CDH8: variants seen among roughly 807,000 people sequenced by gnomAD.
The protein encoded by CDH8 is cadherin-8.
In CDH8, 17 loss-of-function variants were observed where a neutral mutation model predicts 68.1. The ratio of observed to expected loss-of-function variants is 0.25; its 90% confidence interval spans 0.17 to 0.37. The LOEUF is 0.37. CDH8 is among the 10% of genes least tolerant of loss of function. The probability of loss-of-function intolerance (pLI) is 1.00; values close to 1 mark genes in which losing one functional copy is unlikely to be tolerated. For synonymous variants in CDH8, 372 were observed against 365.1 expected, an observed-to-expected ratio of 1.02 and a Z score of -0.21; for missense variants, 763 against 999.3, an observed-to-expected ratio of 0.76 and a Z score of 3.19.
At chr16:61,838,316 A>G (rs1962611124) in intron 4 of CDH8, among the ~76,000 whole-genome samples, 1 of 152,106 alleles carries the variant, frequency 6.6e-6, no homozygotes, top group Admixed American at 6.6e-5. Flanking sequence ...GGAGATACAT[A>G]TTCTAGGAAA....
chr16:61,705,770 G>A lies in CDH8; in HGVS notation c.1654+8071C>T, dbSNP rs1964517440. On this transcript the variant is annotated intron_variant, in intron 10 of 11. Transcript: ENST00000577390. ...AGGAAACTTTGTTTGTGAAAGTATA[G>A]AAGTTAGACTATGTGATAATTCCCA... 1.3e-5 allele frequency among the ~76,000 whole-genome samples: 2 copies of A among 152,308 alleles called. 1 individual carries two copies. The highest frequency in any genetic ancestry group is 4.1e-4 in the South Asian group (2 of 4,830).
intron 3 of CDH8, among the ~76,000 whole-genome samples, chr16:61,890,746 A>C (rs1963761039): frequency 6.6e-6 from 1 of 152,108 alleles, no homozygotes; most frequent in Non-Finnish European, 1.5e-5. Context: ...TTTTCATCAC[A>C]TTTTCTTGTG....
intron 3 of CDH8, among the ~76,000 whole-genome samples, chr16:61,863,460 T>A (rs1449794046): frequency 6.6e-6 from 1 of 152,158 alleles, no homozygotes; most frequent in East Asian, 1.9e-4. Flanking sequence ...GTTTGGGTAG[T>A]GCAGCTGTGT....
At chr16:61,954,275 T>C (rs909970591) in intron 2 of CDH8, among the ~76,000 whole-genome samples, 18 of 152,098 alleles carry the variant, frequency 1.2e-4, no homozygotes, top group Non-Finnish European at 1.8e-4. Context: ...TCTTTCCCAG[T>C]TACTTGGTTC....
chr16:61,857,106 T>G lies in CDH8; in HGVS notation c.667+13A>C. ...AAACATGGCAAATATAATTCGAAAT[T>G]TAGGCCACAAACCTGTTTCAGGCTC... is the stretch of plus-strand genomic sequence containing the variant. On this transcript the variant is annotated intron_variant, in intron 4 of 11. Coordinates refer to ENST00000577390, the MANE Select transcript of CDH8 (RefSeq NM_001796.5). The G allele has an allele frequency of 1.2e-6, 2 of 1,613,072 alleles. No individual in the cohort carries two copies. The highest frequency in any genetic ancestry group is 1.7e-6 in the Non-Finnish European group (2 of 1,179,336).
At chr16:61,659,143 G>C (rs957168063) in intron 10 of CDH8, among the ~76,000 whole-genome samples, 25 of 152,282 alleles carry the variant, frequency 1.6e-4, no homozygotes, top group African/African-American at 5.8e-4. Flanking sequence ...CAGCATGATA[G>C]AAAAGGAGCT....
chr16:61,921,754 C>T lies in CDH8; in HGVS notation c.253-20281G>A, dbSNP rs368663547. On this transcript the variant is annotated intron_variant, in intron 2 of 11. Coordinates refer to ENST00000577390, the MANE Select transcript of CDH8 (RefSeq NM_001796.5). Reference sequence around the variant, plus strand: ...CTTTGGATTTTGAGGTCATGGGGGCCAGCTGCATGGCTCACGCCTTTAATT... The same window carrying T: ...CTTTGGATTTTGAGGTCATGGGGGCTAGCTGCATGGCTCACGCCTTTAATT... Among the ~76,000 whole-genome samples the T allele has an allele frequency of 9.9e-5, 15 of 152,276 alleles. No individual in the cohort carries two copies. The South Asian group carries it at 3.1e-3, about 32-fold the overall frequency.
At chr16:62,034,911 G>T (rs1359035200) in intron 1 of CDH8, among the ~76,000 whole-genome samples, 1 of 152,170 alleles carries the variant, frequency 6.6e-6, no homozygotes, top group Non-Finnish European at 1.5e-5. Flanking sequence ...AGCAACCCAA[G>T]CAAACAGCTG....
intron 2 of CDH8, among the ~76,000 whole-genome samples, chr16:62,012,406 C>A (rs1041583163): frequency 1.3e-5 from 2 of 152,098 alleles, no homozygotes; most frequent in African/African-American, 4.8e-5. Context: ...TCTCTCTTCA[C>A]GGTTTCATAA....
chr16:61,792,696 T>C (rs1961407454), intron 7 of CDH8, among the ~76,000 whole-genome samples: 1 of 152,028 alleles, frequency 6.6e-6, no homozygotes. Context: ...GTGAAGTTCA[T>C]GCATAAACCA....
rs562892666 is a variant in CDH8 at position 62,002,969 on chromosome 16, C to T, written c.252+18183G>A. 3.4e-3 allele frequency among the ~76,000 whole-genome samples: 519 copies of T among 152,128 alleles called. 4 individuals carry two copies. The highest frequency in any genetic ancestry group is 0.012 in the African/African-American group (492 of 41,520). The stretch of plus-strand genomic sequence containing the variant: ...TCGGGAAGCTGAGGCGGGAGAATGG[C>T]GTGAACCGGAAGGCGGAACTTGCAG... On this transcript the variant is annotated intron_variant, in intron 2 of 11. Coordinates refer to ENST00000577390, the MANE Select transcript of CDH8 (RefSeq NM_001796.5).
chr16:62,011,874 A>T (rs1597125158), intron 2 of CDH8, among the ~76,000 whole-genome samples: 2 of 152,334 alleles, frequency 1.3e-5, no homozygotes, highest in East Asian at 3.9e-4. Flanking sequence ...TTAGAGAGCC[A>T]GTGCTGATGA....
chr16:61,993,920 T>C (rs1282691655), intron 2 of CDH8, among the ~76,000 whole-genome samples: 2 of 152,200 alleles, frequency 1.3e-5, no homozygotes, highest in African/African-American at 4.8e-5. Flanking sequence ...TTTTAAATAA[T>C]AGATATATCA....
Position 61,676,133 on chromosome 16 carries a change from T to G in CDH8, c.1655-20412A>C, listed in dbSNP as rs1963904807. On this transcript the variant is annotated intron_variant, in intron 10 of 11. Transcript: ENST00000577390. Reference sequence around the variant, plus strand: ...TTTAAAAACTTAGTAAGATACAAACTACACACACACTCAAAAAAAAAAAAA... The same window carrying G: ...TTTAAAAACTTAGTAAGATACAAACGACACACACACTCAAAAAAAAAAAAA... Among the ~76,000 whole-genome samples the G allele has an allele frequency of 2.2e-5, 3 of 134,022 alleles. No individual in the cohort carries two copies. The South Asian group carries it at 7.0e-4, about 31-fold the overall frequency. 87.9% of individuals were successfully genotyped at this position (134,022 alleles called of 152,430 possible).
Position 61,887,714 on chromosome 16 carries a change from A to G in CDH8, c.547+13465T>C, listed in dbSNP as rs562301557. The stretch of plus-strand genomic sequence containing the variant: ...AGATACTAAGAGTTATGGATTCAAC[A>G]TATGAATTTGTGGGGAACACAATTC... On this transcript the variant is annotated intron_variant, in intron 3 of 11. Coordinates refer to ENST00000577390, the MANE Select transcript of CDH8 (RefSeq NM_001796.5). 7.9e-5 allele frequency among the ~76,000 whole-genome samples: 12 copies of G among 152,262 alleles called. No homozygotes were observed. In the East Asian group the frequency reaches 2.3e-3, roughly 29 times the overall value.
chr16:62,005,025 T>C (rs1218454100), intron 2 of CDH8, among the ~76,000 whole-genome samples: 1 of 152,218 alleles, frequency 6.6e-6, no homozygotes, highest in African/African-American at 2.4e-5. Flanking sequence ...TTCTGCTACC[T>C]CAAAAGTTCT....
intron 6 of CDH8, among the ~76,000 whole-genome samples, chr16:61,820,122 AC>A (rs1357303316): frequency 6.6e-6 from 1 of 152,096 alleles, no homozygotes; most frequent in East Asian, 2.0e-4. Context: ...CATTATTTGT[AC>A]TTGTTATGGA....
chr16:61,935,648 C>T (rs1051398806), intron 2 of CDH8, among the ~76,000 whole-genome samples: 1 of 151,976 alleles, frequency 6.6e-6, no homozygotes, highest in Non-Finnish European at 1.5e-5. Flanking sequence ...TCATTTTTCT[C>T]TTTGGCTTTA....
chr16:61,836,158 C>T (rs1317786219), intron 4 of CDH8, among the ~76,000 whole-genome samples: 3 of 151,966 alleles, frequency 2.0e-5, no homozygotes, highest in African/African-American at 7.2e-5. Flanking sequence ...CATAGTATAT[C>T]TGATCGATCA....
Sources: gnomAD v4.1 joint callset for allele counts (sites outside exome capture counted in the v4.1 genomes callset) on GRCh38, gnomAD v4.1.1 for gene constraint, MANE v1.5 for transcripts, NCBI Gene and HGNC (gene_info 2026-07-23, HGNC 2026-07-21) for gene names.